Variants in IFT43 observed in about 807,000 individuals in gnomAD.
IFT43 encodes the protein intraflagellar transport protein 43 homolog.
A neutral mutation model predicts 32.3 loss-of-function variants in IFT43; 33 were observed. That is an observed-to-expected ratio of 1.02 (90% confidence interval 0.77 to 1.37). The LOEUF (loss-of-function observed/expected upper bound fraction) is 1.37. Ranked by LOEUF, IFT43 falls within the 40% of genes most tolerant of loss-of-function variation. The pLI, the probability that IFT43 is intolerant of heterozygous loss-of-function variation, is 0.00. For missense variants in IFT43, 274 were observed against 265.9 expected (o/e 1.03, Z -0.21); for synonymous variants, 93 against 98.2 (o/e 0.95, Z 0.31).
At chr14:76,044,382 G>A (rs2036765376) in intron 3 of IFT43, among the ~76,000 whole-genome samples, 2 of 152,134 alleles carry the variant, frequency 1.3e-5, no homozygotes, top group South Asian at 4.1e-4. Context: ...GCTATATAGG[G>A]CAAGGTTTGG....
chr14:76,068,223 T>G (rs2037260223), intron 5 of IFT43, among the ~76,000 whole-genome samples: 1 of 152,196 alleles, frequency 6.6e-6, no homozygotes, highest in African/African-American at 2.4e-5. Flanking sequence ...GAAGGATGGA[T>G]AAGAGTTGGC....
At chr14:76,056,423 C>T (rs1446801008) in intron 3 of IFT43, among the ~76,000 whole-genome samples, 1 of 152,214 alleles carries the variant, frequency 6.6e-6, no homozygotes, top group Non-Finnish European at 1.5e-5. Flanking sequence ...ATATTAAACT[C>T]ATCCCCCTTT....
At chr14:76,038,811 A>G (rs2036652205) in intron 3 of IFT43, among the ~76,000 whole-genome samples, 1 of 152,152 alleles carries the variant, frequency 6.6e-6, no homozygotes. Flanking sequence ...TTATTTTGGT[A>G]GATTTCATTT....
chr14:76,083,398 C>A, intron 8 of IFT43, 60 bp from the exon 9 acceptor site: 1 of 1,614,014 alleles, frequency 6.2e-7, no homozygotes, highest in South Asian at 1.1e-5. Flanking sequence ...AGGGAGAAGT[C>A]AGCTACAGTT....
rs766300683 is a variant in IFT43 at position 76,022,307 on chromosome 14, T to G, written c.148-20T>G. ...CAAATGTTGAGTGAATGTGTTCTTT[T>G]GACTTCTCTTTCCTTGTAGACTTCC... On this transcript the variant is annotated intron_variant, in intron 2 of 8. Transcript: ENST00000314067. 6.2e-7 allele frequency: 1 copy of G among 1,604,754 alleles called. No homozygotes were observed. The highest frequency in any genetic ancestry group is 2.2e-5 in the East Asian group (1 of 44,822).
In IFT43 at chr14:76,058,630, T is replaced by C; in HGVS notation, c.216-12T>C. 3 of 1,610,338 alleles carry C rather than the reference T, an allele frequency of 1.9e-6. No individual in the cohort carries two copies. The highest frequency in any genetic ancestry group is 1.1e-5 in the South Asian group (1 of 90,826). ...GCTCTCAAAAACCTTGTCTTTTCTTTTTTTTTTTCAGGTTTAGGAGGAAGG... is the reference window on the plus strand; with the variant it reads ...GCTCTCAAAAACCTTGTCTTTTCTTCTTTTTTTTCAGGTTTAGGAGGAAGG... On this transcript the variant is annotated splice_polypyrimidine_tract_variant and intron_variant, in intron 3 of 8. Coordinates refer to ENST00000314067, the MANE Select transcript of IFT43 (RefSeq NM_001102564.3).
intron 3 of IFT43, among the ~76,000 whole-genome samples, chr14:76,048,666 G>A (rs768405711): frequency 1.3e-5 from 2 of 152,234 alleles, no homozygotes; most frequent in Middle Eastern, 3.4e-3. Flanking sequence ...CTAGTGGGTC[G>A]GTCAGTGATT....
chr14:76,083,892 T>G (rs1425088229), downstream of IFT43: 1 of 515,614 alleles, frequency 1.9e-6, no homozygotes, highest in South Asian at 1.5e-5. Flanking sequence ...GAGTGGGCAC[T>G]CCTACTGAAA....
chr14:75,990,668 A>G (rs2035620652), intron 2 of IFT43, among the ~76,000 whole-genome samples: 1 of 152,200 alleles, frequency 6.6e-6, no homozygotes, highest in African/African-American at 2.4e-5. Flanking sequence ...TTGGAGGCAC[A>G]GTTAGGAGAG....
At chr14:76,051,622 C>T (rs12436473) in intron 3 of IFT43, among the ~76,000 whole-genome samples, 51,406 of 151,968 alleles carry the variant, frequency 0.34, 8,771 homozygotes, top group African/African-American at 0.36. Flanking sequence ...GTAAAATTTA[C>T]CTCAATGAGG....
chr14:76,015,335 C>G (rs948627430), intron 2 of IFT43, among the ~76,000 whole-genome samples: 2 of 152,130 alleles, frequency 1.3e-5, no homozygotes, highest in African/African-American at 4.8e-5. Context: ...GAGAGCTAAG[C>G]CTGCCTGTCC....
intron 5 of IFT43, among the ~76,000 whole-genome samples, chr14:76,069,297 G>A (rs980912693): frequency 1.3e-5 from 2 of 152,176 alleles, no homozygotes; most frequent in Admixed American, 6.5e-5. Context: ...GATTTGGACT[G>A]GGGGATGAGG....
intron 2 of IFT43, among the ~76,000 whole-genome samples, chr14:76,012,671 A>G (rs534165437): frequency 5.7e-4 from 87 of 152,334 alleles, no homozygotes; most frequent in African/African-American, 1.9e-3. Flanking sequence ...ACGTGACTCC[A>G]GCTTTTAAGA....
At chr14:76,056,813 C>A (rs2037026981) in intron 3 of IFT43, among the ~76,000 whole-genome samples, 2 of 152,172 alleles carry the variant, frequency 1.3e-5, no homozygotes, top group African/African-American at 4.8e-5. Flanking sequence ...TTCTGTCCTC[C>A]CACACAGACA....
chr14:76,045,740 G>A (rs1004642201), intron 3 of IFT43, among the ~76,000 whole-genome samples: 6 of 152,170 alleles, frequency 3.9e-5, no homozygotes, highest in East Asian at 1.9e-4. Context: ...TGAAAGTGAC[G>A]GTGAAGGGCT....
At chr14:76,018,673 T>C (rs769814680) in intron 2 of IFT43, among the ~76,000 whole-genome samples, 2 of 152,196 alleles carry the variant, frequency 1.3e-5, no homozygotes, top group South Asian at 4.1e-4. Flanking sequence ...TATTATTGTA[T>C]TGGAGTCTAT....
intron 5 of IFT43, among the ~76,000 whole-genome samples, chr14:76,062,021 A>G (rs146122244): frequency 6.7e-6 from 1 of 150,270 alleles, no homozygotes; most frequent in African/African-American, 2.4e-5. Flanking sequence ...GTCTTTTCTG[A>G]GTCTGTTTCT....
chr14:76,000,234 T>C (rs2035856395), intron 2 of IFT43, among the ~76,000 whole-genome samples: 1 of 151,976 alleles, frequency 6.6e-6, no homozygotes, highest in Non-Finnish European at 1.5e-5. Flanking sequence ...ATATTTTTCT[T>C]AGTATACATA....
chr14:76,026,552 CAAAAAAAAAA>C (rs58799745), intron 3 of IFT43, among the ~76,000 whole-genome samples: 1 of 84,460 alleles, frequency 1.2e-5, no homozygotes, highest in African/African-American at 4.1e-5. Flanking sequence ...GAGTGAAACT[CAAAAAAAAAA>C]AAAAAAAAAG....
Sources: gnomAD v4.1 joint callset for allele counts (sites outside exome capture counted in the v4.1 genomes callset) on GRCh38, gnomAD v4.1.1 for gene constraint, MANE v1.5 for transcripts, NCBI Gene and HGNC (gene_info 2026-07-23, HGNC 2026-07-21) for gene names.